Variants in USP34 observed in about 807,000 individuals in gnomAD.
USP34 encodes the protein ubiquitin specific peptidase 34, also known as ubiquitin carboxyl-terminal hydrolase 34.
In USP34, 70 loss-of-function variants were observed where a neutral mutation model predicts 460.3. The ratio of observed to expected loss-of-function variants is 0.15; its 90% CI spans 0.13 to 0.19. The LOEUF (loss-of-function observed/expected upper bound fraction) is 0.19. USP34 is among the 10% of genes least tolerant of loss of function. USP34 has a pLI of 1.00. For synonymous variants in USP34, 1,647 were observed against 1,405.3 expected (o/e 1.17, Z -3.85); for missense variants, 3,985 against 4,236.2 (o/e 0.94, Z 1.65).
rs1381009585 is a variant in USP34 at position 61,268,521 on chromosome 2, T to C, written c.5434-2354A>G. On this transcript the variant is annotated intron_variant, in intron 41 of 79. Coordinates refer to ENST00000398571, the MANE Select transcript of USP34 (RefSeq NM_014709.4). ...GCCATGTGACACAGCTGTTCTCTCA[T>C]GGCCTTCTGCCATGAGTAAAAGGCT... Among the ~76,000 whole-genome samples, 5 of 148,842 alleles carry C rather than the reference T, an allele frequency of 3.4e-5. No individual in the cohort carries two copies. The South Asian group carries it at 8.5e-4, about 25-fold the overall frequency.
chr2:61,246,219 C>T, intron 50 of USP34, 105 bp downstream of exon 50: 1 of 988,268 alleles, frequency 1.0e-6, no homozygotes, highest in Non-Finnish European at 1.4e-6. Flanking sequence ...TTTTGTCTGC[C>T]TCATTTCCAA....
rs889735396 is a variant in USP34 at position 61,445,278 on chromosome 2, G to T, written c.44-24445C>A. On this transcript the variant is annotated intron_variant, in intron 1 of 79. Transcript: ENST00000398571. ...TGGCCGGGCCCGGTGGCTCACACCT[G>T]TAATCCCAGCACTTTGGGAGGCCGA... 1.2e-4 allele frequency among the ~76,000 whole-genome samples: 18 copies of T among 144,590 alleles called. No individual in the cohort carries two copies. The East Asian group carries it at 3.7e-3, about 29-fold the overall frequency. 94.9% of individuals were successfully genotyped at this position (144,590 alleles called of 152,430 possible).
intron 27 of USP34, among the ~76,000 whole-genome samples, chr2:61,302,839 C>T (rs1690270611): frequency 6.6e-6 from 1 of 152,030 alleles, no homozygotes; most frequent in Non-Finnish European, 1.5e-5. Context: ...ATTTACTGAC[C>T]TCCCAGAACT....
intron 30 of USP34, among the ~76,000 whole-genome samples, chr2:61,295,860 C>G (rs577662144): frequency 6.6e-6 from 1 of 152,324 alleles, no homozygotes; most frequent in East Asian, 1.9e-4. Context: ...GATAATGTTC[C>G]AAATCCTAGA....
chr2:61,388,618 T>C (rs946326144), intron 5 of USP34, among the ~76,000 whole-genome samples: 2 of 151,890 alleles, frequency 1.3e-5, no homozygotes, highest in African/African-American at 4.8e-5. Context: ...TAGCCAGGCA[T>C]GGTGGTGGGC....
rs1235094295 is a variant in USP34 at position 61,220,293 on chromosome 2, C to G, written c.8047+17G>C. 2 of 1,586,016 alleles carry G rather than the reference C, an allele frequency of 1.3e-6. No individual in the cohort carries two copies. Among genetic ancestry groups the G allele is most frequent in the Non-Finnish European group, 1.7e-6 (2 of 1,168,938 alleles). ...CAATAAATAAATGGTTTATGAAATT[C>G]TAAATATTTGACTTACAAGTCCTCA... On this transcript the variant is annotated intron_variant, in intron 67 of 79. Coordinates refer to ENST00000398571, the MANE Select transcript of USP34 (RefSeq NM_014709.4).
In USP34 at chr2:61,262,130, T is replaced by TATAG. The variant is rs59881307; in HGVS notation, c.5779-2358_5779-2355dup. On this transcript the variant is annotated intron_variant, in intron 43 of 79. Coordinates refer to ENST00000398571, the MANE Select transcript of USP34 (RefSeq NM_014709.4). ...AAAAAAAAAAAAATATATATATATA[T>TATAG]ATAGATAGATAGATAGATAGATAGA... 3.9e-3 allele frequency among the ~76,000 whole-genome samples: 440 copies of TATAG among 113,518 alleles called. 4 individuals carry two copies. The highest frequency in any genetic ancestry group is 0.013 in the South Asian group (34 of 2,660). The allele number at this position is 113,518 out of a possible 152,430, so 74.5% of individuals were successfully genotyped here.
In USP34 at chr2:61,274,328, T is replaced by G. The variant is rs1230011125; in HGVS notation, c.5433+3837A>C. Among the ~76,000 whole-genome samples the G allele has an allele frequency of 2.0e-5, 3 of 151,668 alleles. 1 individual carries two copies. The highest frequency in any genetic ancestry group is 4.4e-5 in the Non-Finnish European group (3 of 67,958). ...TTGCTTGAACCTGGGAGGTGGAGGT[T>G]GAGGTAAGCTGAGATCATGCCACTG... On this transcript the variant is annotated intron_variant, in intron 41 of 79. Coordinates refer to ENST00000398571, the MANE Select transcript of USP34 (RefSeq NM_014709.4).
intron 10 of USP34, among the ~76,000 whole-genome samples, chr2:61,367,678 TG>T (rs1352688947): frequency 6.6e-6 from 1 of 152,088 alleles, no homozygotes; most frequent in Non-Finnish European, 1.5e-5. Context: ...GAAATATAAT[TG>T]AAGAAATCAC....
At chr2:61,190,842 T>C (rs1686618871) in intron 76 of USP34, 184 bp from the exon 77 acceptor site, 1 of 620,996 alleles carries the variant, frequency 1.6e-6, no homozygotes, top group African/African-American at 1.8e-5. Flanking sequence ...CTATTTTTCA[T>C]ACAGTAAAAT....
intron 1 of USP34, among the ~76,000 whole-genome samples, chr2:61,456,974 C>T (rs1359467659): frequency 6.6e-6 from 1 of 151,910 alleles, no homozygotes; most frequent in Non-Finnish European, 1.5e-5. Flanking sequence ...GAGCAAGACT[C>T]TGTCTGAAAA....
At chr2:61,246,163 A>T (rs1464707463) in intron 50 of USP34, among the ~76,000 whole-genome samples, 161 bp downstream of exon 50, 1 of 152,258 alleles carries the variant, frequency 6.6e-6, no homozygotes, top group Non-Finnish European at 1.5e-5. Flanking sequence ...CCGTATGTTT[A>T]AGAACTGATT....
chr2:61,365,339 G>A (rs934387419), intron 10 of USP34, among the ~76,000 whole-genome samples: 15 of 151,482 alleles, frequency 9.9e-5, no homozygotes, highest in Admixed American at 2.0e-4. Context: ...ATATATGTAT[G>A]TATGTATGTA....
chr2:61,318,561 T>A (rs543183414), intron 22 of USP34, among the ~76,000 whole-genome samples: 10 of 152,180 alleles, frequency 6.6e-5, no homozygotes, highest in Non-Finnish European at 8.8e-5. Context: ...ATCTCAAAAA[T>A]AAGCATAAAA....
At chr2:61,413,417 A>C (rs1256156347) in intron 2 of USP34, among the ~76,000 whole-genome samples, 1 of 149,826 alleles carries the variant, frequency 6.7e-6, no homozygotes, top group Non-Finnish European at 1.5e-5. Context: ...AAAATAAAAA[A>C]ACAAAAGAGG....
At chr2:61,222,244 C>T (rs757985899) in intron 65 of USP34, among the ~76,000 whole-genome samples, 3 of 152,170 alleles carry the variant, frequency 2.0e-5, no homozygotes, top group Non-Finnish European at 4.4e-5. Context: ...TTCCATTTTA[C>T]AAAAATACTT....
intron 16 of USP34, among the ~76,000 whole-genome samples, chr2:61,342,043 G>A (rs1309548725): frequency 6.6e-6 from 1 of 152,070 alleles, no homozygotes; most frequent in Non-Finnish European, 1.5e-5. Context: ...GATTACAGAT[G>A]TGAGCCACCG....
chr2:61,191,975 T>C (rs1686658790), intron 76 of USP34, among the ~76,000 whole-genome samples: 1 of 152,186 alleles, frequency 6.6e-6, no homozygotes, highest in Non-Finnish European at 1.5e-5. Context: ...CAACGTGGCA[T>C]TTCTTCAGGG....
At chr2:61,412,128 G>T (rs1205269128) in intron 2 of USP34, among the ~76,000 whole-genome samples, 5 of 147,856 alleles carry the variant, frequency 3.4e-5, no homozygotes, top group African/African-American at 1.2e-4. Context: ...GGCAGAGGCT[G>T]CAGTGAGCCG....
Sources: allele counts gnomAD v4.1 joint callset (sites outside exome capture counted in the v4.1 genomes callset), GRCh38; gene constraint gnomAD v4.1.1; transcripts MANE v1.5; gene names NCBI Gene and HGNC (gene_info 2026-07-23, HGNC 2026-07-21).